TTN: variants seen among roughly 807,000 people sequenced by gnomAD.
TTN encodes the protein connectin.
A neutral mutation model predicts 3,223.0 loss-of-function variants in TTN; 1,525 were observed. The observed-to-expected ratio is 0.47, with a 90% CI of 0.45 to 0.49. The LOEUF (loss-of-function observed/expected upper bound fraction) is 0.49. TTN is among the 20% of genes least tolerant of loss of function. The probability of loss-of-function intolerance (pLI) is 0.00; values close to 1 mark genes in which losing one functional copy is unlikely to be tolerated. For missense variants in TTN, 40,786 were observed against 43,424.0 expected (o/e 0.94, Z 5.40); for synonymous variants, 14,094 against 15,161.0 (o/e 0.93, Z 5.17).
In TTN at chr2:178,586,612, C is replaced by T; in HGVS notation, c.64289G>A (p.Gly21430Asp). ...VVKDLSLVVT[G>D]LKEGKKYKFR... ...TTTGTATTTCTTTCCTTCCTTTAGG[C>T]CAGTGACAACAAGGCTCAGATCTTT... The change falls in exon 308 of 363, where the codon GGC becomes GAC. Residue 21430 changes from glycine (G) to aspartate (D), a missense_variant. Coordinates refer to ENST00000589042, the MANE Select transcript of TTN (RefSeq NM_001267550.2). The T allele has an allele frequency of 1.2e-6, 2 of 1,613,192 alleles. No homozygotes were observed. Among genetic ancestry groups the T allele is most frequent in the Non-Finnish European group, 1.7e-6 (2 of 1,179,412 alleles).
intron 224 of TTN, among the ~76,000 whole-genome samples, 184 bp downstream of exon 224, chr2:178,637,185 A>ATC (rs1260073741): frequency 3.7e-4 from 48 of 128,450 alleles, no homozygotes; most frequent in African/African-American, 1.3e-3. Context: ...ATATATATAT[A>ATC]TATATCTCCT....
chr2:178,677,262 T>C lies in TTN; in HGVS notation c.34317A>G (p.Val11439=). 1 of 1,216,884 alleles carries C rather than the reference T, an allele frequency of 8.2e-7. No homozygotes were observed. Among genetic ancestry groups the C allele is most frequent in the Non-Finnish European group, 1.0e-6 (1 of 980,526 alleles). 75.4% of individuals were successfully genotyped at this position (1,216,884 alleles called of 1,614,324 possible). A position where few individuals can be genotyped will look rare whatever the true frequency, so the allele number is the denominator to read the frequency against. Residue 11439 remains valine, a synonymous_variant, in exon 147 of 363, where the codon GTA becomes GTG. Coordinates refer to ENST00000589042, the MANE Select transcript of TTN (RefSeq NM_001267550.2). The part of the protein sequence containing the change: ...APVPEVPKKP[V]PEKKVPVPAP... ...CGGGAACAGGGACTTTCTTCTCTGG[T>C]ACAGGTTTCTTTGGCACTTCAGGCA...
chr2:178,794,981 C>T lies in TTN; in HGVS notation c.1186G>A (p.Ala396Thr), dbSNP rs200052202. 2.5e-5 allele frequency: 40 copies of T among 1,607,342 alleles called. No individual in the cohort carries two copies. The highest frequency in any genetic ancestry group is 3.1e-5 in the Non-Finnish European group (37 of 1,179,982). ...TAGCTAGCACTGGCCGACACACTGG[C>T]GGCAGCACCCGCAGCACCACTGATG... ...VTISGAAGAA[A>T]SVSASASYAA... is the part of the protein sequence containing the mutation. Residue 396 changes from alanine to threonine, a missense_variant, in exon 7 of 363, where the codon GCC becomes ACC. Ala to Thr is a moderately conservative substitution (Grantham distance 58). Transcript: ENST00000589042.
At chr2:178,761,836 A>G (rs1204382894) in intron 43 of TTN, among the ~76,000 whole-genome samples, 3 of 152,224 alleles carry the variant, frequency 2.0e-5, no homozygotes, top group African/African-American at 7.2e-5. Flanking sequence ...TCATTGTTAA[A>G]CTAATTATTC....
intron 242 of TTN, among the ~76,000 whole-genome samples, chr2:178,624,048 T>C (rs1277747081): frequency 6.6e-6 from 1 of 151,918 alleles, no homozygotes; most frequent in East Asian, 1.9e-4. Flanking sequence ...TTCTAGTTGT[T>C]CCCCACACCT....
intron 47 of TTN, among the ~76,000 whole-genome samples, chr2:178,752,703 A>G (rs1159246955): frequency 6.6e-6 from 1 of 152,106 alleles, no homozygotes; most frequent in Admixed American, 6.6e-5. Flanking sequence ...TCAGTAAAGT[A>G]GCATTTCAAT....
In TTN at chr2:178,739,466, A is replaced by G; in HGVS notation, c.13767T>C (p.Ala4589=). 6.2e-7 allele frequency: 1 copy of G among 1,613,696 alleles called. No homozygotes were observed. The highest frequency in any genetic ancestry group is 8.5e-7 in the Non-Finnish European group (1 of 1,179,836). The change falls in exon 48 of 363, where the codon GCT becomes GCC. Residue 4589 remains alanine (A), a synonymous_variant. Coordinates refer to ENST00000589042, the MANE Select transcript of TTN (RefSeq NM_001267550.2). The stretch of plus-strand genomic sequence containing the variant: ...CCTCAGCTTCCTGTATCTTTACTGT[A>G]GCAACCTCCTCAGTACCACTTTCAG... ...SSSESGTEEV[A]TVKIQEAEGG...
intron 308 of TTN, 139 bp downstream of exon 308, chr2:178,586,366 C>T: frequency 1.0e-6 from 1 of 955,810 alleles, no homozygotes; most frequent in Non-Finnish European, 1.5e-6. Context: ...TTGGCCCACT[C>T]ATGTGTTTGA....
At chr2:178,736,997 A>C (rs1265272868) in intron 49 of TTN, among the ~76,000 whole-genome samples, 1 of 152,088 alleles carries the variant, frequency 6.6e-6, no homozygotes, top group Admixed American at 6.5e-5. Flanking sequence ...AGCCTTCCCC[A>C]ACAGTCCAAG....
At position 178,729,906 on chromosome 2, in the gene TTN, A is replaced by G. The variant is rs2154307658; in HGVS notation, c.18347T>C (p.Val6116Ala). 1.2e-6 allele frequency: 2 copies of G among 1,613,278 alleles called. No homozygotes were observed. The highest frequency in any genetic ancestry group is 1.7e-6 in the Non-Finnish European group (2 of 1,179,624). Residue 6116 changes from valine to alanine, a missense_variant, in exon 63 of 363, where the codon GTG becomes GCG. Transcript: ENST00000589042. ...TGTTGTTGACTGTCCATTCCTCAGC[A>G]CTAAGACTGGACTGGGCTTCTTAAT... is the stretch of plus-strand genomic sequence containing the variant. ...QFIKKPSPVL[V>A]LRNGQSTTFE... is the part of the protein sequence containing the mutation.
At chr2:178,713,048 A>G in intron 93 of TTN, 37 bp downstream of exon 93, 9 of 1,606,694 alleles carry the variant, frequency 5.6e-6, no homozygotes, top group Non-Finnish European at 6.8e-6. Flanking sequence ...TTAATAAACT[A>G]TGAAATGCAA....
At position 178,722,289 on chromosome 2, in the gene TTN, C is replaced by CTGTTGTTCCAAGTGGGTTGGATGCTGA. The variant is rs763282322; in HGVS notation, c.22497_22498insTCAGCATCCAACCCACTTGGAACAACA (p.Thr7499_Ala7500insSerAlaSerAsnProLeuGlyThrThr). 1.8e-5 allele frequency: 29 copies of CTGTTGTTCCAAGTGGGTTGGATGCTGA among 1,604,458 alleles called. No individual in the cohort carries two copies. Among genetic ancestry groups the CTGTTGTTCCAAGTGGGTTGGATGCTGA allele is most frequent in the Non-Finnish European group, 2.2e-5 (26 of 1,175,344 alleles). ...GCTGTGAGTCTAGCACTAGAAGATG[C>CTGTTGTTCCAAGTGGGTTGGATGCTGA]TGTTCCAAGTGGGTTGGAAGCTGAG... On this transcript the variant is annotated inframe_insertion, in exon 77 of 363. Transcript: ENST00000589042.
chr2:178,697,428 T>A (rs2073935339), intron 112 of TTN, among the ~76,000 whole-genome samples: 1 of 152,188 alleles, frequency 6.6e-6, no homozygotes, highest in Non-Finnish European at 1.5e-5. Context: ...TTAAGATCAT[T>A]TAAATTGGTT....
chr2:178,610,351 T>C lies in TTN; in HGVS notation c.51175A>G (p.Ile17059Val), dbSNP rs188395969. The stretch of plus-strand genomic sequence containing the variant: ...GTTAACTTACAAGAACTCTTGGTAA[T>C]GTCACTTGCTTTAATATCTTTGCAT... ...GPCKDIKASDITKSSCKLTWE... is the reference protein window; with the variant it reads ...GPCKDIKASDVTKSSCKLTWE... The change falls in exon 271 of 363, where the codon ATT (isoleucine) becomes GTT (valine). Residue 17059 changes from isoleucine (I) to valine (V), a missense_variant. Transcript: ENST00000589042. 2.6e-5 allele frequency: 42 copies of C among 1,612,738 alleles called. 1 individual carries two copies. The East Asian group carries it at 8.5e-4, about 33-fold the overall frequency.
At chr2:178,633,092 G>C (rs1192562064) in intron 233 of TTN, 48 bp from the exon 234 acceptor site, 1 of 1,602,876 alleles carries the variant, frequency 6.2e-7, no homozygotes, top group East Asian at 2.3e-5. Flanking sequence ...CATTTATATA[G>C]TTATTCCTAC....
At chr2:178,763,132 C>A (rs2089630574) in intron 43 of TTN, among the ~76,000 whole-genome samples, 2 of 152,158 alleles carry the variant, frequency 1.3e-5, no homozygotes, top group African/African-American at 4.8e-5. Context: ...GATGCCCAAG[C>A]TTTGAGAGTT....
At position 178,532,378 on chromosome 2, in the gene TTN, AG is replaced by A. The variant is rs1559011209; in HGVS notation, c.104236del (p.Leu34746Ter). The A allele has an allele frequency of 1.2e-6, 2 of 1,613,954 alleles. No homozygotes were observed. The highest frequency in any genetic ancestry group is 1.7e-6 in the Non-Finnish European group (2 of 1,179,878). ...CGCAGCCTGGGCATGCCGTTCCCTC[AG>A]TTCTGCATAACTTGTACTAGCTTCA... ...KAEASTSYAE[L>X]RERHAQAAYR... On this transcript the variant is annotated frameshift_variant, in exon 358 of 363. Transcript: ENST00000589042. LOFTEE classifies it high-confidence loss of function.
chr2:178,737,954 C>A, intron 49 of TTN, 128 bp downstream of exon 49: 1 of 1,182,106 alleles, frequency 8.5e-7, no homozygotes, highest in Non-Finnish European at 1.2e-6. Flanking sequence ...ACCTACCTAC[C>A]ATGTTACTGT....
In TTN at chr2:178,558,453, A is replaced by G. The variant is rs761762773; in HGVS notation, c.87006T>C (p.Val29002=). 1.8e-5 allele frequency: 29 copies of G among 1,613,728 alleles called. No homozygotes were observed. In the East Asian group the frequency reaches 6.5e-4, roughly 36 times the overall value. ...ATTCAGAATTCTCTCTCAGACCGGA[A>G]ACAACGTGATGGGTTGACTTTGCCA... ...CAVAKSTHHV[V]SGLRENSEYF... Residue 29002 remains valine (V), a synonymous_variant, in exon 327 of 363, where the codon GTT becomes GTC. Coordinates refer to ENST00000589042, the MANE Select transcript of TTN (RefSeq NM_001267550.2).
Sources: gnomAD v4.1 joint callset for allele counts (sites outside exome capture counted in the v4.1 genomes callset) on GRCh38, gnomAD v4.1.1 for gene constraint, MANE v1.5 for transcripts, NCBI Gene and HGNC (gene_info 2026-07-23, HGNC 2026-07-21) for gene names.